The following SNX29 variants were observed in gnomAD, a reference collection of about 807,000 sequenced individuals.
SNX29 encodes the protein sorting nexin-29.
Under a neutral mutation model 102.1 loss-of-function variants are expected in SNX29, and 78 were observed. The ratio of observed to expected loss-of-function variants is 0.76; its 90% CI spans 0.64 to 0.92. The LOEUF (loss-of-function observed/expected upper bound fraction) is 0.92. Among genes scored for constraint, SNX29 ranks in the 40% least tolerant of loss-of-function variants. SNX29 has a pLI of 0.00. For missense variants in SNX29, 1,280 were observed against 1,061.7 expected (o/e 1.21, Z -2.86); for synonymous variants, 580 against 414.5 (o/e 1.40, Z -4.85).
At chr16:12,271,309 CAT>C (rs1187888274) in intron 14 of SNX29, among the ~76,000 whole-genome samples, 6 of 152,218 alleles carry the variant, frequency 3.9e-5, no homozygotes, top group African/African-American at 1.4e-4. Flanking sequence ...GCACTGCCCT[CAT>C]GTGGCTCATG....
At chr16:12,037,254 C>T (rs2057501506) in intron 4 of SNX29, among the ~76,000 whole-genome samples, 1 of 152,142 alleles carries the variant, frequency 6.6e-6, no homozygotes. Context: ...GGCTGCGTTC[C>T]AGGAACACCA....
At chr16:12,148,939 T>C (rs941213161) in intron 13 of SNX29, among the ~76,000 whole-genome samples, 10 of 152,080 alleles carry the variant, frequency 6.6e-5, no homozygotes, top group African/African-American at 2.4e-4. Context: ...TGACCTCAGG[T>C]GATCCACCTG....
intron 13 of SNX29, among the ~76,000 whole-genome samples, chr16:12,163,364 A>G (rs1304572102): frequency 6.6e-6 from 1 of 151,960 alleles, no homozygotes; most frequent in Non-Finnish European, 1.5e-5. Flanking sequence ...GGGCTTTACG[A>G]GAAGCTTGAG....
intron 14 of SNX29, among the ~76,000 whole-genome samples, chr16:12,251,665 T>C (rs6498273): frequency 0.06 from 9,184 of 152,186 alleles, 793 homozygotes; most frequent in African/African-American, 0.19. Flanking sequence ...ATCGTGCCAT[T>C]GCACTCCAGC....
At chr16:12,175,487 CA>C (rs2076239353) in intron 13 of SNX29, among the ~76,000 whole-genome samples, 1 of 151,708 alleles carries the variant, frequency 6.6e-6, no homozygotes, top group Non-Finnish European at 1.5e-5. Context: ...AACAAACAAA[CA>C]AACAAACAAA....
rs376496058 is a variant in SNX29, at chr16:12,048,349, G to T, written c.500-23G>T. ...TGACTGCCCATCAGCAAGCACTCCAGACTTTTCCCTTTTTTTGGGCAGGTC... is the reference window on the plus strand; with the variant it reads ...TGACTGCCCATCAGCAAGCACTCCATACTTTTCCCTTTTTTTGGGCAGGTC... On this transcript the variant is annotated intron_variant, in intron 6 of 20. Coordinates refer to ENST00000566228, the MANE Select transcript of SNX29 (RefSeq NM_032167.5). 2.5e-6 allele frequency: 4 copies of T among 1,613,752 alleles called. No homozygotes were observed. In the South Asian group the frequency reaches 4.4e-5, roughly 18 times the overall value.
At chr16:12,415,029 C>G (rs1222262791) in intron 18 of SNX29, among the ~76,000 whole-genome samples, 1 of 152,210 alleles carries the variant, frequency 6.6e-6, no homozygotes, top group Non-Finnish European at 1.5e-5. Flanking sequence ...GGCCTGTTGT[C>G]TTTTTAAAGA....
intron 16 of SNX29, among the ~76,000 whole-genome samples, chr16:12,394,654 G>C (rs1380525694): frequency 6.6e-6 from 1 of 152,146 alleles, no homozygotes; most frequent in African/African-American, 2.4e-5. Flanking sequence ...GCTATCCACT[G>C]GGACTTCAGA....
At chr16:12,519,094 C>T (rs886603863) in intron 19 of SNX29, among the ~76,000 whole-genome samples, 5 of 152,158 alleles carry the variant, frequency 3.3e-5, no homozygotes, top group Admixed American at 6.5e-5. Flanking sequence ...CCCGGCTTAG[C>T]CCCTACCCAC....
chr16:12,291,547 C>G (rs1360597455), intron 15 of SNX29, among the ~76,000 whole-genome samples: 1 of 152,202 alleles, frequency 6.6e-6, no homozygotes, highest in African/African-American at 2.4e-5. Context: ...TTTTCCTCCT[C>G]AGGGTCACAG....
At chr16:12,539,281 C>G (rs1047398624) in intron 20 of SNX29, among the ~76,000 whole-genome samples, 1 of 152,078 alleles carries the variant, frequency 6.6e-6, no homozygotes, top group African/African-American at 2.4e-5. Flanking sequence ...TAGCTGCACC[C>G]TCCCCCACCT....
At chr16:12,315,666 C>T in intron 15 of SNX29, among the ~76,000 whole-genome samples, 1 of 152,170 alleles carries the variant, frequency 6.6e-6, no homozygotes, top group Non-Finnish European at 1.5e-5. Flanking sequence ...CCTGCTGGCA[C>T]CTTGATCTTG....
chr16:12,548,524 G>A (rs988268946), intron 20 of SNX29, among the ~76,000 whole-genome samples: 1 of 152,166 alleles, frequency 6.6e-6, no homozygotes, highest in African/African-American at 2.4e-5. Context: ...ATGCTTTGAG[G>A]GTGCAGCCTT....
At position 12,412,961 on chromosome 16, in the gene SNX29, C is replaced by T. The variant is rs535369217; in HGVS notation, c.2037+9432C>T. Among the ~76,000 whole-genome samples the T allele has an allele frequency of 1.1e-4, 16 of 152,368 alleles. No individual in the cohort carries two copies. In the East Asian group the frequency reaches 1.2e-3, roughly 11 times the overall value. ...ACCTGGCTCTCTCTCCCTTTCCTGACTCCTTCTGCGCCCAGAAGTAACCCA... is the reference window on the plus strand; with the variant it reads ...ACCTGGCTCTCTCTCCCTTTCCTGATTCCTTCTGCGCCCAGAAGTAACCCA... On this transcript the variant is annotated intron_variant, in intron 18 of 20. Coordinates refer to ENST00000566228, the MANE Select transcript of SNX29 (RefSeq NM_032167.5).
intron 20 of SNX29, among the ~76,000 whole-genome samples, chr16:12,537,165 G>C (rs146089612): frequency 6.6e-6 from 1 of 152,246 alleles, no homozygotes; most frequent in East Asian, 1.9e-4. Context: ...GATCTTGTTA[G>C]CATAAAGATG....
chr16:12,256,585 C>G (rs1220284045), intron 14 of SNX29, among the ~76,000 whole-genome samples: 3 of 152,148 alleles, frequency 2.0e-5, no homozygotes, highest in African/African-American at 7.2e-5. Flanking sequence ...GCTTCGGCCC[C>G]CAAAGTGTTG....
At chr16:12,108,267 A>T (rs764184147) in intron 11 of SNX29, among the ~76,000 whole-genome samples, 4 of 152,090 alleles carry the variant, frequency 2.6e-5, no homozygotes, top group Non-Finnish European at 5.9e-5. Context: ...GAGGTGGGGG[A>T]GAATGCCACC....
intron 15 of SNX29, among the ~76,000 whole-genome samples, chr16:12,307,271 C>T (rs1034846709): frequency 1.3e-5 from 2 of 152,030 alleles, no homozygotes; most frequent in African/African-American, 2.4e-5. Flanking sequence ...CATATGATCA[C>T]GAGGATGAAT....
intron 11 of SNX29, among the ~76,000 whole-genome samples, chr16:12,121,156 G>A (rs2053956053): frequency 6.6e-6 from 1 of 152,230 alleles, no homozygotes; most frequent in African/African-American, 2.4e-5. Context: ...GTACTCAAGT[G>A]ACCCACAGGC....
Sources: allele counts gnomAD v4.1 joint callset (sites outside exome capture counted in the v4.1 genomes callset), GRCh38; gene constraint gnomAD v4.1.1; transcripts MANE v1.5; gene names NCBI Gene and HGNC (gene_info 2026-07-23, HGNC 2026-07-21).